LDHC: variants seen among roughly 807,000 people sequenced by gnomAD.
The protein encoded by LDHC is lactate dehydrogenase C.
In LDHC, 20 loss-of-function variants were observed where a neutral mutation model predicts 30.2. That is an observed-to-expected ratio of 0.66 (90% CI 0.47 to 0.96). The LOEUF (loss-of-function observed/expected upper bound fraction) is 0.96, where lower values mean the gene tolerates loss of function less well. Among genes scored for constraint, LDHC ranks in the 40% least tolerant of loss-of-function variants. LDHC has a pLI of 0.00. For synonymous variants in LDHC, 139 were observed against 132.7 expected, an observed-to-expected ratio of 1.05 and a Z score of -0.32; for missense variants, 362 against 394.9, an observed-to-expected ratio of 0.92 and a Z score of 0.71.
intron 4 of LDHC, among the ~76,000 whole-genome samples, chr11:18,434,331 G>C (rs1429218092): frequency 6.6e-6 from 1 of 151,624 alleles, no homozygotes; most frequent in Non-Finnish European, 1.5e-5. Flanking sequence ...ATTTCTTCTT[G>C]GTTTGGATCA....
chr11:18,420,092 TAGAACA>T (rs931099580), intron 3 of LDHC, among the ~76,000 whole-genome samples: 2 of 148,802 alleles, frequency 1.3e-5, no homozygotes, highest in Non-Finnish European at 2.9e-5. Context: ...GACTCCGTCT[TAGAACA>T]ACAACAACAA....
At chr11:18,433,403 A>T (rs1565052779) in intron 4 of LDHC, among the ~76,000 whole-genome samples, 1 of 152,046 alleles carries the variant, frequency 6.6e-6, no homozygotes, top group Non-Finnish European at 1.5e-5. Context: ...GGAAATAAAA[A>T]AAAAAAAAAG....
rs1848651798 is a variant in LDHC, at chr11:18,451,284, G to A, written c.*157G>A. On this transcript the variant is annotated 3_prime_UTR_variant, in exon 8 of 8. Transcript: ENST00000541669. Reference sequence around the variant, plus strand: ...CTCTCAAGATTAGAACGAGCAAATGGTAAAGAGATTTTCCTCTTTAAGAAT... The same window carrying A: ...CTCTCAAGATTAGAACGAGCAAATGATAAAGAGATTTTCCTCTTTAAGAAT... 2.0e-6 allele frequency: 1 copy of A among 498,578 alleles called. No homozygotes were observed. The highest frequency in any genetic ancestry group is 3.4e-6 in the Non-Finnish European group (1 of 291,832). 30.9% of individuals were successfully genotyped at this position (498,578 alleles called of 1,614,324 possible).
intron 3 of LDHC, among the ~76,000 whole-genome samples, chr11:18,419,315 G>A (rs1466608341): frequency 6.6e-6 from 1 of 152,206 alleles, no homozygotes; most frequent in Non-Finnish European, 1.5e-5. Flanking sequence ...TCTGCCAACA[G>A]TAGTTTACCA....
intron 6 of LDHC, among the ~76,000 whole-genome samples, chr11:18,441,254 G>A (rs954882716): frequency 1.4e-4 from 22 of 152,176 alleles, no homozygotes; most frequent in African/African-American, 5.3e-4. Flanking sequence ...TATCTAGCAT[G>A]GTGAAAGGAT....
intron 3 of LDHC, among the ~76,000 whole-genome samples, chr11:18,418,662 A>G (rs1163293394): frequency 1.3e-5 from 2 of 151,902 alleles, no homozygotes; most frequent in African/African-American, 4.8e-5. Context: ...CCTGACCTCA[A>G]GCGATCCACC....
At position 18,451,113 on chromosome 11, in the gene LDHC, G is replaced by T; in HGVS notation, c.985G>T (p.Asp329Tyr). The T allele has an allele frequency of 6.6e-7, 1 of 1,516,552 alleles. No individual in the cohort carries two copies. Among genetic ancestry groups the T allele is most frequent in the Non-Finnish European group, 8.8e-7 (1 of 1,139,604 alleles). The allele number at this position is 1,516,552 out of a possible 1,614,324, so 93.9% of individuals were successfully genotyped here. Residue 329 changes from aspartate to tyrosine, a missense_variant, in exon 8 of 8, where the codon GAT becomes TAT. Asp to Tyr is a radical substitution (Grantham distance 160, BLOSUM62 -3). Coordinates refer to ENST00000541669, the MANE Select transcript of LDHC (RefSeq NM_017448.5). The part of the protein sequence containing the change: ...SAETLWNIQK[D>Y]LIF ...AGAAACACTTTGGAATATTCAAAAG[G>T]ATCTAATATTTTAAATTAAAGCCTT...
intron 3 of LDHC, among the ~76,000 whole-genome samples, chr11:18,416,332 T>C (rs1045480426): frequency 2.0e-5 from 3 of 152,220 alleles, no homozygotes; most frequent in African/African-American, 7.2e-5. Flanking sequence ...AATTTAGAAC[T>C]TGGCCTCATT....
chr11:18,436,596 C>T (rs952140235), intron 5 of LDHC, among the ~76,000 whole-genome samples: 2 of 148,700 alleles, frequency 1.3e-5, no homozygotes, highest in Admixed American at 7.0e-5. Context: ...AAGCGATTCT[C>T]CTGCCTCAGC....
At chr11:18,436,481 G>GTTTTTTTT (rs35976847) in intron 5 of LDHC, among the ~76,000 whole-genome samples, 2 of 108,198 alleles carry the variant, frequency 1.8e-5, no homozygotes, top group Non-Finnish European at 3.5e-5. Flanking sequence ...ATAATACAAA[G>GTTTTTTTT]TTTTTTTTTT....
At chr11:18,441,696 A>G (rs1367615870) in intron 6 of LDHC, among the ~76,000 whole-genome samples, 1 of 150,432 alleles carries the variant, frequency 6.6e-6, no homozygotes, top group Non-Finnish European at 1.5e-5. Context: ...TCACTTCTTA[A>G]GGTCAGGAGT....
chr11:18,432,909 A>G, intron 4 of LDHC, among the ~76,000 whole-genome samples: 1 of 152,202 alleles, frequency 6.6e-6, no homozygotes, highest in East Asian at 1.9e-4. Context: ...TCCATTCTGC[A>G]GTTCTTTATC....
intron 6 of LDHC, among the ~76,000 whole-genome samples, chr11:18,440,939 T>TAA (rs113816773): frequency 6.8e-5 from 10 of 148,012 alleles, no homozygotes; most frequent in African/African-American, 1.7e-4. Flanking sequence ...ATCCTGTCTC[T>TAA]AAAAAAATAA....
At chr11:18,436,517 G>A (rs927582367) in intron 5 of LDHC, among the ~76,000 whole-genome samples, 4 of 105,746 alleles carry the variant, frequency 3.8e-5, no homozygotes, top group South Asian at 2.8e-4. Context: ...ACAGAGTTTC[G>A]CTCTTGTTGC....
intron 5 of LDHC, among the ~76,000 whole-genome samples, chr11:18,437,275 TA>T (rs1208569555): frequency 6.6e-6 from 1 of 152,252 alleles, no homozygotes; most frequent in African/African-American, 2.4e-5. Context: ...GCATATTGCT[TA>T]AAAATATGTA....
chr11:18,414,287 A>G (rs1350982934), intron 2 of LDHC, among the ~76,000 whole-genome samples: 1 of 152,206 alleles, frequency 6.6e-6, no homozygotes, highest in Non-Finnish European at 1.5e-5. Context: ...AAAGGATGGA[A>G]CAATTGGCTA....
chr11:18,422,289 C>T (rs1848076104), intron 3 of LDHC, among the ~76,000 whole-genome samples: 1 of 151,902 alleles, frequency 6.6e-6, no homozygotes, highest in Non-Finnish European at 1.5e-5. Context: ...GGCACGATGG[C>T]CCATGCCTGT....
At chr11:18,428,354 A>G (rs2134056953) in intron 3 of LDHC, among the ~76,000 whole-genome samples, 1 of 150,744 alleles carries the variant, frequency 6.6e-6, no homozygotes, top group South Asian at 2.1e-4. Context: ...TATTTTTAGT[A>G]GAGACATGTT....
Position 18,428,604 on chromosome 11 carries a change from G to A in LDHC, c.245-1133G>A, listed in dbSNP as rs549864395. 7.9e-5 allele frequency among the ~76,000 whole-genome samples: 12 copies of A among 152,174 alleles called. No homozygotes were observed. In the South Asian group the frequency reaches 2.3e-3, roughly 29 times the overall value. ...AAAGTCCAGTATGAAGCCACATGTG[G>A]TAGCTCACGCCTGTAATCCCAACAC... On this transcript the variant is annotated intron_variant, in intron 3 of 7. Coordinates refer to ENST00000541669, the MANE Select transcript of LDHC (RefSeq NM_017448.5).
Sources: gnomAD v4.1 joint callset for allele counts (sites outside exome capture counted in the v4.1 genomes callset) on GRCh38, gnomAD v4.1.1 for gene constraint, MANE v1.5 for transcripts, NCBI Gene and HGNC (gene_info 2026-07-23, HGNC 2026-07-21) for gene names.